Variants in SPOCK3 observed in about 807,000 individuals in gnomAD.
The protein encoded by SPOCK3 is testican-3.
In SPOCK3, 30 loss-of-function variants were observed where a neutral mutation model predicts 56.6. The observed-to-expected ratio is 0.53, with a 90% CI of 0.40 to 0.72. SPOCK3 has a LOEUF of 0.72. SPOCK3 is among the 30% of genes least tolerant of loss of function. The pLI, the probability that SPOCK3 is intolerant of heterozygous loss-of-function variation, is 0.00. For missense variants in SPOCK3, 527 were observed against 530.0 expected (o/e 0.99, Z 0.06); for synonymous variants, 196 against 183.3 (o/e 1.07, Z -0.56).
rs1450167367 is a variant in SPOCK3, at chr4:166,793,295, G to A, written c.590-1006C>T. On this transcript the variant is annotated intron_variant, in intron 6 of 10. Transcript: ENST00000357545. ...TTATATGTATCATAAATAACATAAT[G>A]TAATGTAATTGGATGTAATACCATC... 3.3e-5 allele frequency among the ~76,000 whole-genome samples: 5 copies of A among 152,088 alleles called. No homozygotes were observed. The South Asian group carries it at 1.0e-3, about 32-fold the overall frequency.
At chr4:167,106,842 T>C (rs1454982061) in intron 2 of SPOCK3, among the ~76,000 whole-genome samples, 4 of 148,506 alleles carry the variant, frequency 2.7e-5, no homozygotes, top group African/African-American at 4.9e-5. Flanking sequence ...ACCACAGAAA[T>C]TGAAAGGATC....
intron 2 of SPOCK3, among the ~76,000 whole-genome samples, chr4:167,074,421 G>A (rs1415760914): frequency 1.3e-5 from 2 of 151,776 alleles, no homozygotes; most frequent in Admixed American, 6.6e-5. Flanking sequence ...CACGTATTTG[G>A]GGGCAGGATT....
At chr4:166,851,509 CA>C (rs1730083991) in intron 6 of SPOCK3, among the ~76,000 whole-genome samples, 1 of 152,164 alleles carries the variant, frequency 6.6e-6, no homozygotes, top group African/African-American at 2.4e-5. Flanking sequence ...TTCAGATGAT[CA>C]AATTACTCCG....
chr4:166,959,434 G>A (rs780433373), intron 4 of SPOCK3, among the ~76,000 whole-genome samples: 10 of 151,918 alleles, frequency 6.6e-5, no homozygotes, highest in Admixed American at 1.3e-4. Flanking sequence ...CCAGCATAGC[G>A]AAACCCCATC....
At chr4:167,135,501 C>A (rs888298995) in intron 2 of SPOCK3, among the ~76,000 whole-genome samples, 2 of 152,272 alleles carry the variant, frequency 1.3e-5, no homozygotes, top group East Asian at 3.9e-4. Flanking sequence ...CACTGTTCAG[C>A]ATCTCACTGG....
intron 4 of SPOCK3, among the ~76,000 whole-genome samples, chr4:166,949,864 A>C (rs1417906361): frequency 6.6e-6 from 1 of 151,976 alleles, no homozygotes; most frequent in South Asian, 2.1e-4. Context: ...GAAATAAAAT[A>C]CTTTACAGAC....
intron 8 of SPOCK3, among the ~76,000 whole-genome samples, chr4:166,744,179 G>A (rs984939098): frequency 6.6e-6 from 1 of 152,208 alleles, no homozygotes; most frequent in Non-Finnish European, 1.5e-5. Context: ...TGACCCCCGA[G>A]TAGCCTAACT....
At chr4:167,116,179 A>G (rs1357960717) in intron 2 of SPOCK3, among the ~76,000 whole-genome samples, 2 of 151,912 alleles carry the variant, frequency 1.3e-5, no homozygotes, top group African/African-American at 4.8e-5. Context: ...CCCAAGAGGT[A>G]TCTGTATGTG....
In SPOCK3 at chr4:167,183,861, C is replaced by A. The variant is rs573662214; in HGVS notation, c.189+50124G>T. ...AATCAACCTAACATTACCCTCAGGG[C>A]CCATTAAAGGAAGATGTAGAAGAAA... On this transcript the variant is annotated intron_variant, in intron 2 of 10. Coordinates refer to ENST00000357545, the MANE Select transcript of SPOCK3 (RefSeq NM_001040159.2). Among the ~76,000 whole-genome samples, 3 of 152,228 alleles carry A rather than the reference C, an allele frequency of 2.0e-5. No individual in the cohort carries two copies. The East Asian group carries it at 5.8e-4, about 29-fold the overall frequency.
chr4:166,980,832 G>A (rs952318572), intron 4 of SPOCK3, among the ~76,000 whole-genome samples: 3 of 152,210 alleles, frequency 2.0e-5, no homozygotes, highest in Non-Finnish European at 2.9e-5. Context: ...GGGTATCACA[G>A]CCCTGCTTGG....
At chr4:167,076,419 A>C (rs1757189637) in intron 2 of SPOCK3, among the ~76,000 whole-genome samples, 1 of 151,724 alleles carries the variant, frequency 6.6e-6, no homozygotes, top group South Asian at 2.1e-4. Flanking sequence ...AAAACTCTGT[A>C]CCTTCTGCTT....
chr4:166,762,588 A>T (rs1291281891), intron 7 of SPOCK3, among the ~76,000 whole-genome samples: 2 of 152,138 alleles, frequency 1.3e-5, no homozygotes, highest in African/African-American at 4.8e-5. Context: ...ATGCAGAAGT[A>T]GATGAGATAT....
chr4:167,203,556 TAA>T (rs113951203), intron 2 of SPOCK3, among the ~76,000 whole-genome samples: 2 of 142,702 alleles, frequency 1.4e-5, no homozygotes, highest in Non-Finnish European at 1.5e-5. Flanking sequence ...TCTATCTGAT[TAA>T]AAAAAAAAAA....
In SPOCK3 at chr4:167,062,498, C is replaced by T. The variant is rs181083945; in HGVS notation, c.229G>A (p.Asp77Asn). ...AAAATAGTTAGATTCTTACCCTGAT[C>T]GAAGGGTTTTCCTGGACTCCAAGTG... The part of the protein sequence containing the change: ...FRTWSPGKPF[D>N]QALDPAKDPC... The change falls in exon 3 of 11, where the codon GAT becomes AAT. Residue 77 changes from aspartate (D) to asparagine (N), a missense_variant. By Grantham distance (23) the Asp-to-Asn change is conservative. Coordinates refer to ENST00000357545, the MANE Select transcript of SPOCK3 (RefSeq NM_001040159.2). 2.6e-5 allele frequency: 42 copies of T among 1,601,720 alleles called. No individual in the cohort carries two copies. The highest frequency in any genetic ancestry group is 1.7e-4 in the Middle Eastern group (1 of 5,992).
chr4:166,951,742 G>A (rs560681951), intron 4 of SPOCK3, among the ~76,000 whole-genome samples: 1,673 of 143,530 alleles, frequency 0.012, 53 homozygotes, highest in African/African-American at 0.045. Flanking sequence ...CCATGATCAA[G>A]TGGGCTTCAT....
At chr4:166,740,646 C>A (rs537508543) in intron 9 of SPOCK3, among the ~76,000 whole-genome samples, 28 of 152,080 alleles carry the variant, frequency 1.8e-4, no homozygotes, top group African/African-American at 6.3e-4. Flanking sequence ...CTGCTTCAGG[C>A]GCCAGAGTAG....
chr4:166,975,970 A>G (rs1745898953), intron 4 of SPOCK3, among the ~76,000 whole-genome samples: 1 of 152,108 alleles, frequency 6.6e-6, no homozygotes, highest in African/African-American at 2.4e-5. Context: ...TAGTGCTGCA[A>G]TAAGCATGGG....
chr4:166,801,379 C>G (rs1035778776), intron 6 of SPOCK3, among the ~76,000 whole-genome samples: 2 of 152,042 alleles, frequency 1.3e-5, no homozygotes, highest in Admixed American at 1.3e-4. Context: ...TTCCTGTCAT[C>G]AAACAACACA....
chr4:166,894,588 T>C (rs1735156434), intron 5 of SPOCK3, among the ~76,000 whole-genome samples: 1 of 152,134 alleles, frequency 6.6e-6, no homozygotes, highest in Non-Finnish European at 1.5e-5. Flanking sequence ...TTAAGCTAAC[T>C]AAGCTGAGAT....
Sources: allele counts gnomAD v4.1 joint callset (sites outside exome capture counted in the v4.1 genomes callset), GRCh38; gene constraint gnomAD v4.1.1; transcripts MANE v1.5; gene names NCBI Gene and HGNC (gene_info 2026-07-23, HGNC 2026-07-21).